MAML3: variants seen among roughly 807,000 people sequenced by gnomAD.
MAML3 encodes mastermind like transcriptional coactivator 3.
In MAML3, 27 loss-of-function variants were observed where a neutral mutation model predicts 101.9. The observed-to-expected ratio is 0.27, with a 90% CI of 0.20 to 0.37. MAML3 has a LOEUF of 0.37. Among genes scored for constraint, MAML3 ranks in the 10% least tolerant of loss-of-function variants. The pLI, the probability that MAML3 is intolerant of heterozygous loss-of-function variation, is 1.00. For synonymous variants in MAML3, 501 were observed against 555.9 expected (o/e 0.90, Z 1.39); for missense variants, 1,316 against 1,444.9 (o/e 0.91, Z 1.45).
intron 1 of MAML3, among the ~76,000 whole-genome samples, chr4:139,891,984 C>CT (rs1262559230): frequency 6.6e-6 from 1 of 152,166 alleles, no homozygotes; most frequent in Non-Finnish European, 1.5e-5. Flanking sequence ...TTGTCTTAAG[C>CT]TTTTTTTCTC....
Position 139,872,753 on chromosome 4 carries a change from A to G in MAML3, c.2079+16604T>C, listed in dbSNP as rs896612128. Among the ~76,000 whole-genome samples, 9 of 141,140 alleles carry G rather than the reference A, an allele frequency of 6.4e-5. No individual in the cohort carries two copies. In the South Asian group the frequency reaches 1.4e-3, roughly 22 times the overall value. 92.6% of individuals were successfully genotyped at this position (141,140 alleles called of 152,430 possible). ...TTCTTAAGGCAGAAATAAAAATCCTATCAATAACAAGGTTGGGTTTAGAGT... is the reference window on the plus strand; with the variant it reads ...TTCTTAAGGCAGAAATAAAAATCCTGTCAATAACAAGGTTGGGTTTAGAGT... On this transcript the variant is annotated intron_variant, in intron 2 of 4. Transcript: ENST00000509479.
intron 1 of MAML3, among the ~76,000 whole-genome samples, chr4:139,964,231 A>G (rs1291597458): frequency 6.6e-6 from 1 of 152,242 alleles, no homozygotes; most frequent in Admixed American, 6.5e-5. Context: ...CATGTGGTAC[A>G]TATACAACAT....
At chr4:139,808,375 C>T (rs992544767) in intron 2 of MAML3, among the ~76,000 whole-genome samples, 17 of 152,190 alleles carry the variant, frequency 1.1e-4, no homozygotes, top group Admixed American at 9.2e-4. Flanking sequence ...TGTGGCCAAC[C>T]GCTGCAGGCA....
At chr4:140,007,138 G>A (rs561192394) in intron 1 of MAML3, among the ~76,000 whole-genome samples, 85 of 152,184 alleles carry the variant, frequency 5.6e-4, no homozygotes, top group Non-Finnish European at 8.8e-4. Context: ...ATAGCTTATC[G>A]GCATTTTTTT....
At chr4:139,778,461 A>G (rs1325038666) in intron 2 of MAML3, among the ~76,000 whole-genome samples, 1 of 152,228 alleles carries the variant, frequency 6.6e-6, no homozygotes, top group Non-Finnish European at 1.5e-5. Flanking sequence ...TAAGTCTCAG[A>G]GGGCAGCCAC....
chr4:139,890,410 C>G lies in MAML3; in HGVS notation c.1026G>C (p.Ser342=), dbSNP rs749324651. 1 of 1,604,626 alleles carries G rather than the reference C, an allele frequency of 6.2e-7. No homozygotes were observed. The highest frequency in any genetic ancestry group is 1.3e-5 in the African/African-American group (1 of 74,690). The change falls in exon 2 of 5, where the codon TCG becomes TCC. Residue 342 remains serine, a synonymous_variant. Transcript: ENST00000509479. This position sits in a 1 kb window ranked among gnomAD's most constrained non-coding sequence, Gnocchi z 4.1. ...DFEEKKEPEF[S]QPATETPLSQ... ...AGAGAGGGGTCTCAGTTGCTGGCTG[C>G]GAGAATTCTGGCTCCTTCTTCTCTT... is the stretch of plus-strand genomic sequence containing the variant.
At chr4:139,876,431 G>C (rs1331688729) in intron 2 of MAML3, among the ~76,000 whole-genome samples, 1 of 152,150 alleles carries the variant, frequency 6.6e-6, no homozygotes, top group East Asian at 1.9e-4. Context: ...GACTTTTTCT[G>C]CCACACTAAT....
intron 1 of MAML3, among the ~76,000 whole-genome samples, chr4:140,017,401 A>C (rs1339465237): frequency 6.6e-6 from 1 of 152,124 alleles, no homozygotes; most frequent in Non-Finnish European, 1.5e-5. Context: ...TTCTTTAAAA[A>C]CTAAACATGC....
At chr4:139,866,202 T>C (rs1302436807) in intron 2 of MAML3, among the ~76,000 whole-genome samples, 3 of 152,248 alleles carry the variant, frequency 2.0e-5, no homozygotes, top group Non-Finnish European at 4.4e-5. Flanking sequence ...GGACATATTG[T>C]ACTTAATTGT....
chr4:140,016,461 TG>T (rs893642943), intron 1 of MAML3, among the ~76,000 whole-genome samples: 1 of 152,090 alleles, frequency 6.6e-6, no homozygotes, highest in Non-Finnish European at 1.5e-5. Flanking sequence ...GCAAAGAGAC[TG>T]ATATAATGGA....
chr4:139,862,247 T>C (rs1449205860), intron 2 of MAML3, among the ~76,000 whole-genome samples: 1 of 152,148 alleles, frequency 6.6e-6, no homozygotes, highest in Admixed American at 6.5e-5. Flanking sequence ...CTGATGCCTA[T>C]GTCCCAGCCC....
chr4:139,859,277 A>AGT (rs1264499771), intron 2 of MAML3, among the ~76,000 whole-genome samples: 1 of 146,442 alleles, frequency 6.8e-6, no homozygotes, highest in African/African-American at 2.6e-5. Flanking sequence ...CCCAGGCTGG[A>AGT]GTGCAGTGGC....
At position 139,857,381 on chromosome 4, in the gene MAML3, T is replaced by C. The variant is rs551376293; in HGVS notation, c.2079+31976A>G. ...TCCCCCACCCCACCCCCTTCAAACC[T>C]GAAAGGAAAGTTGCCACTGCCAGAT... On this transcript the variant is annotated intron_variant, in intron 2 of 4. Transcript: ENST00000509479. Among the ~76,000 whole-genome samples the C allele has an allele frequency of 6.6e-4, 100 of 151,708 alleles. 1 individual carries two copies. In the South Asian group the frequency reaches 0.018, roughly 28 times the overall value.
intron 1 of MAML3, among the ~76,000 whole-genome samples, chr4:140,087,348 A>G (rs898115056): frequency 6.6e-6 from 1 of 152,110 alleles, no homozygotes; most frequent in African/African-American, 2.4e-5. Context: ...TTCTAAAGAC[A>G]TTTTTGTCTT....
At chr4:140,064,319 A>G (rs1218049169) in intron 1 of MAML3, among the ~76,000 whole-genome samples, 6 of 152,222 alleles carry the variant, frequency 3.9e-5, no homozygotes, top group African/African-American at 1.2e-4. Context: ...ATTATTTCAT[A>G]AGCAAGGTAT....
Position 139,889,880 on chromosome 4 carries a change from G to T in MAML3, c.1556C>A (p.Ser519Tyr). The change falls in exon 2 of 5, where the codon TCT (serine) becomes TAT (tyrosine). Residue 519 changes from serine (S) to tyrosine (Y), a missense_variant. Physicochemically the swap from Ser to Tyr is moderately radical, Grantham distance 144. Coordinates refer to ENST00000509479, the MANE Select transcript of MAML3 (RefSeq NM_018717.5). ...QQHSNQTSNW[S>Y]PLGPPSSPYG... ...TGGACTAGAGGGAGGTCCTAAGGGA[G>T]ACCAATTTGAAGTCTGATTTGAGTG... 6.2e-7 allele frequency: 1 copy of T among 1,613,522 alleles called. No individual in the cohort carries two copies. Among genetic ancestry groups the T allele is most frequent in the Non-Finnish European group, 8.5e-7 (1 of 1,179,856 alleles).
intron 2 of MAML3, among the ~76,000 whole-genome samples, chr4:139,868,080 A>G (rs1205111395): frequency 6.6e-6 from 1 of 152,252 alleles, no homozygotes. Context: ...AAACAGGGAA[A>G]CACATCTGTG....
intron 2 of MAML3, among the ~76,000 whole-genome samples, chr4:139,838,096 C>T (rs1221152321): frequency 2.6e-5 from 4 of 151,760 alleles, no homozygotes; most frequent in East Asian, 1.9e-4. Context: ...ATGGGTACAT[C>T]GGCCAAGCCT....
rs187512460 is a variant in MAML3, at chr4:140,073,543, C to T, written c.468+79317G>A. 7.2e-5 allele frequency among the ~76,000 whole-genome samples: 11 copies of T among 152,230 alleles called. No individual in the cohort carries two copies. The East Asian group carries it at 2.1e-3, about 29-fold the overall frequency. On this transcript the variant is annotated intron_variant, in intron 1 of 4. Coordinates refer to ENST00000509479, the MANE Select transcript of MAML3 (RefSeq NM_018717.5). Reference sequence around the variant, plus strand: ...TCTTTCTCCCACCCTGCAGTGAGCACCTACTTCCTGGCTGTGAGGTATTGT... The same window carrying T: ...TCTTTCTCCCACCCTGCAGTGAGCATCTACTTCCTGGCTGTGAGGTATTGT...
Sources: allele counts gnomAD v4.1 joint callset (sites outside exome capture counted in the v4.1 genomes callset), GRCh38; gene constraint gnomAD v4.1.1; non-coding constraint Gnocchi (gnomAD v3.1); transcripts MANE v1.5; gene names NCBI Gene and HGNC (gene_info 2026-07-23, HGNC 2026-07-21).